Variants in MKLN1 observed in about 807,000 individuals in gnomAD.
MKLN1 encodes the protein muskelin.
A neutral mutation model predicts 99.0 loss-of-function variants in MKLN1; 18 were observed. The observed-to-expected ratio is 0.18, with a 90% CI of 0.13 to 0.27. MKLN1 has a LOEUF of 0.27. Ranked by LOEUF, MKLN1 falls within the 10% of genes least tolerant of loss-of-function variation. The pLI, the probability that MKLN1 is intolerant of heterozygous loss-of-function variation, is 1.00. For missense variants in MKLN1, 621 were observed against 875.9 expected (o/e 0.71, Z 3.67); for synonymous variants, 288 against 293.2 (o/e 0.98, Z 0.18).
chr7:131,237,291 G>C (rs1797338583), intron 3 of MKLN1, among the ~76,000 whole-genome samples: 1 of 152,168 alleles, frequency 6.6e-6, no homozygotes. Context: ...CTATGAGTGA[G>C]AGATTTTACA....
chr7:131,139,814 A>G (rs888128597), intron 1 of MKLN1, among the ~76,000 whole-genome samples: 1 of 152,200 alleles, frequency 6.6e-6, no homozygotes, highest in Non-Finnish European at 1.5e-5. Context: ...AGGAGGACAC[A>G]AAAGGCTAAT....
In MKLN1 at chr7:131,466,259, T is replaced by G. The variant is rs764666368; in HGVS notation, c.1789-17T>G. On this transcript the variant is annotated splice_polypyrimidine_tract_variant and intron_variant, in intron 14 of 17. Coordinates refer to ENST00000352689, the MANE Select transcript of MKLN1 (RefSeq NM_013255.5). The stretch of plus-strand genomic sequence containing the variant: ...TGCATGCATTTTTAAAAATCTGGCT[T>G]ATTTTGCTTATTATAGGTTCATTAC... 3.9e-6 allele frequency: 6 copies of G among 1,553,534 alleles called. No homozygotes were observed.
Position 131,122,507 on chromosome 7 carries a change from C to CT in MKLN1, c.-419+12304dup, listed in dbSNP as rs201937115. Among the ~76,000 whole-genome samples, 976 of 152,280 alleles carry CT rather than the reference C, an allele frequency of 6.4e-3. 13 individuals carry two copies. Among genetic ancestry groups the CT allele is most frequent in the African/African-American group, 0.022 (920 of 41,548 alleles). On this transcript the variant is annotated intron_variant, in intron 1 of 7. Coordinates refer to the MKLN1 transcript ENST00000416992. The stretch of plus-strand genomic sequence containing the variant: ...AGGTGATGACGAAAAGGGCAATTTG[C>CT]TTTTCCTCGTCTATGACTCCACCAC...
chr7:131,326,113 T>C (rs948465602), upstream of MKLN1, among the ~76,000 whole-genome samples: 1 of 152,204 alleles, frequency 6.6e-6, no homozygotes, highest in Non-Finnish European at 1.5e-5. Flanking sequence ...AGTGGAATTA[T>C]AAAATCTGGG....
intron 2 of MKLN1, among the ~76,000 whole-genome samples, chr7:131,199,939 C>G (rs1468047981): frequency 6.6e-6 from 1 of 152,134 alleles, no homozygotes; most frequent in Non-Finnish European, 1.5e-5. Flanking sequence ...CTCAAGTGAT[C>G]GGCCCACCTC....
At chr7:131,460,470 G>A (rs778205277) in intron 12 of MKLN1, among the ~76,000 whole-genome samples, 5 of 152,188 alleles carry the variant, frequency 3.3e-5, no homozygotes, top group Admixed American at 6.5e-5. Context: ...TATAGAATGC[G>A]TAAGCTGAGA....
intron 2 of MKLN1, among the ~76,000 whole-genome samples, chr7:131,159,576 G>A (rs951875909): frequency 6.6e-6 from 1 of 152,092 alleles, no homozygotes; most frequent in Non-Finnish European, 1.5e-5. Context: ...AGGGAAGGGG[G>A]AGTGGGGGAG....
At chr7:131,187,534 G>A (rs1047097369) in intron 2 of MKLN1, among the ~76,000 whole-genome samples, 2 of 152,164 alleles carry the variant, frequency 1.3e-5, no homozygotes, top group Admixed American at 6.5e-5. Context: ...GTTGTCTATG[G>A]CTGCTTTAGT....
chr7:131,473,718 C>G (rs1796891008), intron 16 of MKLN1, among the ~76,000 whole-genome samples: 1 of 152,092 alleles, frequency 6.6e-6, no homozygotes, highest in East Asian at 1.9e-4. Context: ...GTATCGATTC[C>G]CCATAATAGG....
chr7:131,240,417 T>TG (rs1797385232), intron 3 of MKLN1, among the ~76,000 whole-genome samples: 1 of 151,948 alleles, frequency 6.6e-6, no homozygotes, highest in Non-Finnish European at 1.5e-5. Context: ...AGGATATAAA[T>TG]GAAAAATCAT....
chr7:131,187,090 CA>C (rs1796462345), intron 2 of MKLN1, among the ~76,000 whole-genome samples: 2 of 152,162 alleles, frequency 1.3e-5, no homozygotes, highest in African/African-American at 4.8e-5. Flanking sequence ...ATCCAGCATG[CA>C]TTTGTTAAAT....
intron 17 of MKLN1, among the ~76,000 whole-genome samples, chr7:131,483,143 A>G (rs1310670370): frequency 6.6e-6 from 1 of 152,228 alleles, no homozygotes; most frequent in African/African-American, 2.4e-5. Flanking sequence ...GATTAGGAGC[A>G]TGAGGTTTAG....
At chr7:131,114,336 A>G (rs1475275064) in intron 1 of MKLN1, among the ~76,000 whole-genome samples, 2 of 152,188 alleles carry the variant, frequency 1.3e-5, no homozygotes, top group African/African-American at 4.8e-5. Context: ...TGAAGTGTCC[A>G]TAGAATATCA....
chr7:131,331,390 C>T (rs1400725519), intron 1 of MKLN1, among the ~76,000 whole-genome samples: 2 of 152,152 alleles, frequency 1.3e-5, no homozygotes, highest in African/African-American at 4.8e-5. Flanking sequence ...ATATAATAGT[C>T]TTCACAAAAA....
intron 1 of MKLN1, among the ~76,000 whole-genome samples, chr7:131,142,195 C>G (rs1795744393): frequency 2.0e-5 from 3 of 151,998 alleles, no homozygotes; most frequent in Admixed American, 2.0e-4. Context: ...CACCTGAGGT[C>G]AGGAGTTTGA....
intron 3 of MKLN1, among the ~76,000 whole-genome samples, chr7:131,228,265 G>T (rs181816514): frequency 6.6e-6 from 1 of 152,130 alleles, no homozygotes; most frequent in African/African-American, 2.4e-5. Context: ...CTGCCATGTT[G>T]CCTAGGCTGG....
At chr7:131,272,899 T>G (rs764798190) in intron 3 of MKLN1, among the ~76,000 whole-genome samples, 9 of 152,160 alleles carry the variant, frequency 5.9e-5, no homozygotes, top group Non-Finnish European at 1.0e-4. Flanking sequence ...ACAATTCAAG[T>G]TGAGATTGGT....
chr7:131,373,023 T>C (rs1189024264), intron 1 of MKLN1, among the ~76,000 whole-genome samples: 1 of 151,934 alleles, frequency 6.6e-6, no homozygotes, highest in Non-Finnish European at 1.5e-5. Flanking sequence ...TTTAGAAGAG[T>C]GTCTGGGACT....
At chr7:131,339,891 C>T (rs1799356270) in intron 1 of MKLN1, among the ~76,000 whole-genome samples, 1 of 151,452 alleles carries the variant, frequency 6.6e-6, no homozygotes, top group South Asian at 2.1e-4. Context: ...GTATTTAATA[C>T]TTTAAAAATA....
Sources: gnomAD v4.1 joint callset for allele counts (sites outside exome capture counted in the v4.1 genomes callset) on GRCh38, gnomAD v4.1.1 for gene constraint, MANE v1.5 for transcripts, NCBI Gene and HGNC (gene_info 2026-07-23, HGNC 2026-07-21) for gene names.